Variants in RORA observed in about 807,000 individuals in gnomAD.
The protein encoded by RORA is RAR related orphan receptor A.
In RORA, 7 loss-of-function variants were observed where a neutral mutation model predicts 69.5. The observed-to-expected ratio is 0.10, with a 90% confidence interval of 0.06 to 0.19. The LOEUF is 0.19. RORA is among the 10% of genes least tolerant of loss of function. The pLI, the probability that RORA is intolerant of heterozygous loss-of-function variation, is 1.00. For missense variants in RORA, 457 were observed against 663.0 expected (o/e 0.69, Z 3.41); for synonymous variants, 261 against 240.8 (o/e 1.08, Z -0.78).
intron 1 of RORA, among the ~76,000 whole-genome samples, chr15:60,925,767 C>A (rs573340820): frequency 1.7e-3 from 259 of 152,204 alleles, no homozygotes; most frequent in Non-Finnish European, 2.5e-3. Context: ...CCAGATGCCA[C>A]GAACCTGTAC....
intron 1 of RORA, among the ~76,000 whole-genome samples, chr15:60,982,009 C>A (rs999665144): frequency 6.6e-6 from 1 of 152,184 alleles, no homozygotes; most frequent in Non-Finnish European, 1.5e-5. Context: ...TTCCGAATTA[C>A]TTCCATAAAA....
At position 60,819,767 on chromosome 15, in the gene RORA, A is replaced by ACACACACACACACACGCG. The variant is rs1555455768; in HGVS notation, c.167-141082_167-141081insCGCGTGTGTGTGTGTGTG. Among the ~76,000 whole-genome samples, 43 of 147,634 alleles carry ACACACACACACACACGCG rather than the reference A, an allele frequency of 2.9e-4. 1 individual carries two copies. The highest frequency in any genetic ancestry group is 2.4e-3 in the East Asian group (12 of 5,040). ...CCCAGACACACACACACACACACAC[A>ACACACACACACACACGCG]CACACACACACACACACACACACAC... is the stretch of plus-strand genomic sequence containing the variant. On this transcript the variant is annotated intron_variant, in intron 1 of 10. Coordinates refer to ENST00000335670, the MANE Select transcript of RORA (RefSeq NM_134261.3).
chr15:61,113,595 C>T (rs1459281898), intron 1 of RORA, among the ~76,000 whole-genome samples: 1 of 152,188 alleles, frequency 6.6e-6, no homozygotes, highest in Non-Finnish European at 1.5e-5. Context: ...TGCGGTTATT[C>T]CCAAGTCCAC....
intron 1 of RORA, among the ~76,000 whole-genome samples, chr15:60,822,182 C>T (rs1046909155): frequency 2.6e-5 from 4 of 152,180 alleles, no homozygotes; most frequent in Non-Finnish European, 5.9e-5. Context: ...ACTTCCACAA[C>T]TGAAATTGCC....
At chr15:60,885,735 T>TCTTA (rs2073743260) in intron 1 of RORA, among the ~76,000 whole-genome samples, 1 of 152,246 alleles carries the variant, frequency 6.6e-6, no homozygotes, top group African/African-American at 2.4e-5. Context: ...TCAGCTCAAA[T>TCTTA]CTTAGCCTTG....
intron 2 of RORA, among the ~76,000 whole-genome samples, chr15:60,560,588 A>G (rs1317438746): frequency 1.3e-5 from 2 of 152,186 alleles, no homozygotes; most frequent in Admixed American, 1.3e-4. Flanking sequence ...AGTCTCGGCT[A>G]CTGGTCGGGG....
intron 1 of RORA, among the ~76,000 whole-genome samples, chr15:61,139,936 C>T (rs1369794302): frequency 6.6e-6 from 1 of 152,080 alleles, no homozygotes; most frequent in African/African-American, 2.4e-5. Context: ...GAATTGTTAC[C>T]TGATTGGAAG....
At chr15:60,593,034 C>T (rs2068584651) in intron 2 of RORA, 1 of 441,012 alleles carries the variant, frequency 2.3e-6, no homozygotes, top group Non-Finnish European at 4.5e-6. Flanking sequence ...CAGCTCTAAT[C>T]GGAAGGTACG....
At chr15:60,754,724 G>T (rs2071772853) in intron 1 of RORA, among the ~76,000 whole-genome samples, 1 of 152,176 alleles carries the variant, frequency 6.6e-6, no homozygotes, top group Non-Finnish European at 1.5e-5. Flanking sequence ...CAGGCACATT[G>T]GAGGAGCTCT....
intron 1 of RORA, among the ~76,000 whole-genome samples, chr15:60,708,370 C>T (rs549256277): frequency 2.7e-5 from 4 of 148,870 alleles, no homozygotes; most frequent in African/African-American, 5.0e-5. Flanking sequence ...TGCAATGAGC[C>T]GAGATGGCAC....
chr15:60,645,812 TA>T (rs796728170), intron 2 of RORA, among the ~76,000 whole-genome samples: 29,752 of 140,500 alleles, frequency 0.21, 3,012 homozygotes, highest in Middle Eastern at 0.28. Context: ...TTTTTTTTTT[TA>T]AAAAATTAAG....
intron 1 of RORA, among the ~76,000 whole-genome samples, chr15:61,140,734 G>A (rs1317513434): frequency 6.6e-6 from 1 of 152,284 alleles, no homozygotes; most frequent in South Asian, 2.1e-4. Context: ...GTTTTATCAG[G>A]GGTCAGCCCT....
At chr15:61,156,480 T>C (rs889018505) in intron 1 of RORA, among the ~76,000 whole-genome samples, 30 of 152,182 alleles carry the variant, frequency 2.0e-4, no homozygotes, top group Admixed American at 7.2e-4. Context: ...TTCCATCAAG[T>C]CTTCTCAGCA....
chr15:60,971,081 A>T lies in RORA; in HGVS notation c.166+257972T>A, dbSNP rs543898135. ...GATGAGAACTAAGTTAGGATGAGGGAGTCAAAATGAGTTTGAGAAGATAAA... is the reference window on the plus strand; with the variant it reads ...GATGAGAACTAAGTTAGGATGAGGGTGTCAAAATGAGTTTGAGAAGATAAA... On this transcript the variant is annotated intron_variant, in intron 1 of 10. Coordinates refer to ENST00000335670, the MANE Select transcript of RORA (RefSeq NM_134261.3). Among the ~76,000 whole-genome samples, 4 of 152,300 alleles carry T rather than the reference A, an allele frequency of 2.6e-5. No homozygotes were observed. In the South Asian group the frequency reaches 8.3e-4, roughly 32 times the overall value.
At chr15:61,202,066 G>A (rs935821410) in intron 1 of RORA, among the ~76,000 whole-genome samples, 9 of 148,868 alleles carry the variant, frequency 6.0e-5, no homozygotes, top group African/African-American at 1.2e-4. Flanking sequence ...GGAGTGCAGT[G>A]GTGCGATCTC....
chr15:61,114,727 A>G (rs911849689), intron 1 of RORA, among the ~76,000 whole-genome samples: 2 of 152,182 alleles, frequency 1.3e-5, no homozygotes, highest in African/African-American at 4.8e-5. Context: ...ACGGATGGTT[A>G]TCCCTATACT....
chr15:60,699,297 TTA>T (rs1286482168), intron 1 of RORA, among the ~76,000 whole-genome samples: 2 of 152,186 alleles, frequency 1.3e-5, no homozygotes, highest in African/African-American at 4.8e-5. Context: ...ATTTTACTTT[TTA>T]TGTTTAATTT....
At chr15:60,568,170 G>A (rs2067770893) in intron 2 of RORA, among the ~76,000 whole-genome samples, 1 of 152,198 alleles carries the variant, frequency 6.6e-6, no homozygotes, top group African/African-American at 2.4e-5. Context: ...CTCTGGATAG[G>A]ACAGTGGTGC....
intron 2 of RORA, chr15:60,615,166 T>A (rs552227853): frequency 9.4e-7 from 1 of 1,069,094 alleles, no homozygotes; most frequent in South Asian, 1.8e-5. Flanking sequence ...TTAGTGCTAG[T>A]GCACTTGGCA....
Sources: gnomAD v4.1 joint callset for allele counts (sites outside exome capture counted in the v4.1 genomes callset) on GRCh38, gnomAD v4.1.1 for gene constraint, MANE v1.5 for transcripts, NCBI Gene and HGNC (gene_info 2026-07-23, HGNC 2026-07-21) for gene names.